PIK3CA: variants seen among roughly 807,000 people sequenced by gnomAD.
PIK3CA encodes the protein phosphatidylinositol-4,5-bisphosphate 3-kinase catalytic subunit alpha.
Under a neutral mutation model 138.2 loss-of-function variants are expected in PIK3CA, and 27 were observed. The observed-to-expected ratio is 0.20, with a 90% CI of 0.14 to 0.27. PIK3CA has a LOEUF of 0.27. Among genes scored for constraint, PIK3CA ranks in the 10% least tolerant of loss-of-function variants. The pLI, the probability that PIK3CA is intolerant of heterozygous loss-of-function variation, is 1.00. For missense variants in PIK3CA, 544 were observed against 1,277.4 expected (o/e 0.43, Z 8.75); for synonymous variants, 358 against 413.2 (o/e 0.87, Z 1.62).
At chr3:179,203,423 G>T in intron 4 of PIK3CA, 121 bp from the exon 5 acceptor site, 1 of 826,696 alleles carries the variant, frequency 1.2e-6, no homozygotes, top group Non-Finnish European at 1.8e-6. Context: ...AGTAAATGTG[G>T]TCTATAATGT....
At chr3:179,188,329 ACT>A (rs1283774082) in intron 1 of PIK3CA, among the ~76,000 whole-genome samples, 13 of 152,086 alleles carry the variant, frequency 8.5e-5, no homozygotes, top group Admixed American at 5.9e-4. Flanking sequence ...GCCAGGAGAC[ACT>A]CTAATTCTGT....
intron 1 of PIK3CA, among the ~76,000 whole-genome samples, chr3:179,158,498 T>C (rs1723194580): frequency 6.6e-6 from 1 of 152,078 alleles, no homozygotes; most frequent in South Asian, 2.1e-4. Context: ...CTGTCTTGTC[T>C]TTTTTTCATG....
intron 1 of PIK3CA, among the ~76,000 whole-genome samples, chr3:179,166,434 T>A (rs1453581910): frequency 1.3e-5 from 2 of 152,224 alleles, no homozygotes; most frequent in African/African-American, 4.8e-5. Context: ...TGGGTAAAGG[T>A]GTTTTAATAA....
intron 6 of PIK3CA, among the ~76,000 whole-genome samples, chr3:179,205,105 C>G (rs1009867884): frequency 1.4e-5 from 2 of 147,998 alleles, no homozygotes; most frequent in South Asian, 2.1e-4. Context: ...ATTAGGGAGG[C>G]TGAGACAGGA....
chr3:179,197,394 A>G (rs1039806319), intron 1 of PIK3CA, among the ~76,000 whole-genome samples: 3 of 152,122 alleles, frequency 2.0e-5, no homozygotes, highest in Non-Finnish European at 4.4e-5. Flanking sequence ...TCCCACCCCA[A>G]ACTTGATGAC....
At chr3:179,209,370 A>T (rs1039279861) in intron 6 of PIK3CA, among the ~76,000 whole-genome samples, 1 of 152,132 alleles carries the variant, frequency 6.6e-6, no homozygotes, top group Non-Finnish European at 1.5e-5. Flanking sequence ...ATGTATAGTG[A>T]TATCTCCATG....
chr3:179,232,039 T>C (rs1387072241), intron 20 of PIK3CA, among the ~76,000 whole-genome samples: 1 of 152,176 alleles, frequency 6.6e-6, no homozygotes, highest in Non-Finnish European at 1.5e-5. Flanking sequence ...AGTTTGGGAA[T>C]ATTTTCTCCC....
At chr3:179,185,985 TC>T (rs1723972354) in intron 1 of PIK3CA, among the ~76,000 whole-genome samples, 1 of 152,174 alleles carries the variant, frequency 6.6e-6, no homozygotes, top group African/African-American at 2.4e-5. Context: ...AGCCCCTCTC[TC>T]CTCTGAGGAG....
intron 16 of PIK3CA, among the ~76,000 whole-genome samples, chr3:179,225,322 T>A (rs1426766737): frequency 6.6e-6 from 1 of 152,034 alleles, no homozygotes. Context: ...ATTGCAAGCA[T>A]GTTGCAAAGG....
intron 1 of PIK3CA, among the ~76,000 whole-genome samples, chr3:179,190,704 G>A (rs539319623): frequency 6.6e-6 from 1 of 152,226 alleles, no homozygotes; most frequent in Admixed American, 6.5e-5. Flanking sequence ...TCCTCTGGAG[G>A]CTCAGTATTT....
rs74364006 is a variant in PIK3CA, at chr3:179,154,487, G to T, written c.-77+5884G>T. On this transcript the variant is annotated intron_variant, in intron 1 of 20. Transcript: ENST00000263967. ...TCGCCCCCACACTTCCCCAATCCAT[G>T]GAAAAATTGTCTTCCACGAAACTGC... is the stretch of plus-strand genomic sequence containing the variant. Among the ~76,000 whole-genome samples, 36 of 152,288 alleles carry T rather than the reference G, an allele frequency of 2.4e-4. No homozygotes were observed. The East Asian group carries it at 6.9e-3, about 29-fold the overall frequency.
chr3:179,168,850 T>C (rs1484329735), intron 1 of PIK3CA, among the ~76,000 whole-genome samples: 1 of 152,168 alleles, frequency 6.6e-6, no homozygotes, highest in Non-Finnish European at 1.5e-5. Context: ...CTCTTCCCTA[T>C]TGATTTGAAA....
intron 1 of PIK3CA, among the ~76,000 whole-genome samples, chr3:179,176,866 G>A (rs549070877): frequency 2.0e-5 from 3 of 152,260 alleles, no homozygotes; most frequent in South Asian, 4.1e-4. Flanking sequence ...AAGAATAAGT[G>A]TATTTAAAAT....
At chr3:179,232,170 C>T (rs1725229045) in intron 20 of PIK3CA, among the ~76,000 whole-genome samples, 1 of 151,922 alleles carries the variant, frequency 6.6e-6, no homozygotes, top group African/African-American at 2.4e-5. Context: ...GGGTCTTAGT[C>T]ATTTATTATT....
intron 20 of PIK3CA, among the ~76,000 whole-genome samples, chr3:179,231,419 G>A (rs1725208045): frequency 6.6e-6 from 1 of 152,066 alleles, no homozygotes; most frequent in Non-Finnish European, 1.5e-5. Flanking sequence ...CCCACCAGGA[G>A]TGTATAAGCA....
At chr3:179,210,804 T>A (rs1016295373) in intron 9 of PIK3CA, among the ~76,000 whole-genome samples, 1 of 152,238 alleles carries the variant, frequency 6.6e-6, no homozygotes. Flanking sequence ...CGACTATGTG[T>A]AAAGCACTGG....
Position 179,153,782 on chromosome 3 carries a change from CTT to C in PIK3CA, c.-77+5180_-77+5181del, listed in dbSNP as rs1398477021. Among the ~76,000 whole-genome samples the C allele has an allele frequency of 1.2e-3, 179 of 150,860 alleles. 1 individual carries two copies. Among genetic ancestry groups the C allele is most frequent in the Non-Finnish European group, 4.4e-5 (3 of 67,878 alleles). On this transcript the variant is annotated intron_variant, in intron 1 of 20. Transcript: ENST00000263967. ...ATGTGAAAGTGAATTTTATAAGTAA[CTT>C]ATTCGAAAGAAATACTGTAATAAAA...
Position 179,199,766 on chromosome 3 carries a change from T to G in PIK3CA, c.429T>G (p.Ile143Met), listed in dbSNP as rs781155625. The G allele has an allele frequency of 8.7e-6, 14 of 1,613,348 alleles. No homozygotes were observed. Among genetic ancestry groups the G allele is most frequent in the Non-Finnish European group, 1.2e-5 (14 of 1,179,432 alleles). ...DPEVQDFRRN[I>M]LNVCKEAVDL... Reference sequence around the variant, plus strand: ...AAGTACAGGACTTCCGAAGAAATATTCTGAACGTTTGTAAAGAAGCTGTGG... The same window carrying G: ...AAGTACAGGACTTCCGAAGAAATATGCTGAACGTTTGTAAAGAAGCTGTGG... The change falls in exon 3 of 21, where the codon ATT (isoleucine) becomes ATG (methionine). Residue 143 changes from isoleucine (I) to methionine (M), a missense_variant. By Grantham distance (10) the Ile-to-Met change is conservative. This residue lies in a region of PIK3CA where 234 missense variants were observed against 401.3 expected (regional missense o/e 0.58). Coordinates refer to ENST00000263967, the MANE Select transcript of PIK3CA (RefSeq NM_006218.4).
intron 1 of PIK3CA, among the ~76,000 whole-genome samples, chr3:179,196,291 G>A (rs192500662): frequency 2.0e-5 from 3 of 152,212 alleles, no homozygotes; most frequent in Non-Finnish European, 2.9e-5. Context: ...TGTGGCTTGT[G>A]GTTTTGGTTT....
Sources: allele counts gnomAD v4.1 joint callset (sites outside exome capture counted in the v4.1 genomes callset), GRCh38; gene constraint gnomAD v4.1.1; regional missense constraint gnomAD v4.1.1; transcripts MANE v1.5; gene names NCBI Gene and HGNC (gene_info 2026-07-23, HGNC 2026-07-21).